Variants in ZDHHC14 observed in about 807,000 individuals in gnomAD.
ZDHHC14 encodes palmitoyltransferase ZDHHC14.
ZDHHC14 carries 16 observed loss-of-function variants against 47.7 expected under a neutral mutation model. The ratio of observed to expected loss-of-function variants is 0.34; its 90% CI spans 0.23 to 0.51. The LOEUF (loss-of-function observed/expected upper bound fraction) is 0.51. ZDHHC14 is among the 20% of genes least tolerant of loss of function. The pLI is 0.97. For missense variants in ZDHHC14, 515 were observed against 662.5 expected (o/e 0.78, Z 2.44); for synonymous variants, 293 against 278.9 (o/e 1.05, Z -0.50).
At position 157,677,535 on chromosome 6, in the gene ZDHHC14, G is replaced by A. The variant is rs896136376; in HGVS notation, c.*4413G>A. 1 of 151,988 alleles carries A rather than the reference G, an allele frequency of 6.6e-6. No individual in the cohort carries two copies. The highest frequency in any genetic ancestry group is 2.1e-4 in the South Asian group (1 of 4,812). 9.4% of individuals were successfully genotyped at this position (151,988 alleles called of 1,614,324 possible). A position where few individuals can be genotyped will look rare whatever the true frequency, so the allele number is the denominator to read the frequency against. On this transcript the variant is annotated 3_prime_UTR_variant, in exon 9 of 9. Coordinates refer to ENST00000359775, the MANE Select transcript of ZDHHC14 (RefSeq NM_024630.3). The stretch of plus-strand genomic sequence containing the variant: ...AGATTAGATGGTTTCTGGAGCAACC[G>A]AATTTGCAGCTGCCACAAAACTAGA...
At chr6:157,574,467 C>A (rs983913046) in intron 2 of ZDHHC14, among the ~76,000 whole-genome samples, 6 of 152,098 alleles carry the variant, frequency 3.9e-5, no homozygotes, top group Non-Finnish European at 8.8e-5. Context: ...TACTTACCTC[C>A]AGCCTAGGCC....
At chr6:157,656,618 G>A (rs1778100792) in intron 8 of ZDHHC14, among the ~76,000 whole-genome samples, 1 of 151,060 alleles carries the variant, frequency 6.6e-6, no homozygotes, top group Admixed American at 6.6e-5. Context: ...TTACAGGCAT[G>A]AGTCACCGCG....
At chr6:157,611,871 T>G (rs915939959) in intron 3 of ZDHHC14, among the ~76,000 whole-genome samples, 2 of 152,200 alleles carry the variant, frequency 1.3e-5, no homozygotes, top group Non-Finnish European at 2.9e-5. Context: ...GACGAGTGTG[T>G]GTTTATACCT....
intron 2 of ZDHHC14, among the ~76,000 whole-genome samples, chr6:157,556,204 G>A (rs1782453460): frequency 6.6e-6 from 1 of 151,614 alleles, no homozygotes; most frequent in South Asian, 2.1e-4. Context: ...AGCTGCACAA[G>A]GCAGGCGTCA....
intron 1 of ZDHHC14, among the ~76,000 whole-genome samples, chr6:157,493,743 G>A (rs955959821): frequency 7.2e-5 from 11 of 152,214 alleles, no homozygotes; most frequent in African/African-American, 1.9e-4. Flanking sequence ...GGAAGTGCCC[G>A]CTTCGTGTCT....
At chr6:157,401,318 G>A (rs372680187) in intron 1 of ZDHHC14, among the ~76,000 whole-genome samples, 5 of 152,100 alleles carry the variant, frequency 3.3e-5, no homozygotes, top group East Asian at 1.9e-4. Context: ...GTTAACTATC[G>A]TCAATCTTTT....
intron 2 of ZDHHC14, among the ~76,000 whole-genome samples, chr6:157,552,111 G>T (rs771072232): frequency 6.6e-6 from 1 of 152,080 alleles, no homozygotes; most frequent in East Asian, 1.9e-4. Context: ...GCAAAGCTCC[G>T]TGCACACCCA....
chr6:157,384,424 C>A (rs1201923690), intron 1 of ZDHHC14, among the ~76,000 whole-genome samples: 1 of 152,204 alleles, frequency 6.6e-6, no homozygotes, highest in Non-Finnish European at 1.5e-5. Context: ...AAGGATCTTT[C>A]TCTGTGTCAG....
intron 2 of ZDHHC14, 101 bp downstream of exon 2, chr6:157,542,846 T>A: frequency 7.1e-7 from 1 of 1,418,354 alleles, no homozygotes; most frequent in Non-Finnish European, 9.4e-7. Flanking sequence ...AGCTGAGCGC[T>A]GGGAAGGAAG....
rs776843596 is a variant in ZDHHC14 at position 157,530,642 on chromosome 6, T to C, written c.246-11943T>C. 3.4e-4 allele frequency among the ~76,000 whole-genome samples: 52 copies of C among 152,262 alleles called. 1 individual carries two copies. The highest frequency in any genetic ancestry group is 1.2e-4 in the Non-Finnish European group (8 of 68,050). On this transcript the variant is annotated intron_variant, in intron 1 of 8. Coordinates refer to ENST00000359775, the MANE Select transcript of ZDHHC14 (RefSeq NM_024630.3). ...TCCCCTTTTTGGAAATAGAACCATT[T>C]TCTCCTGAAATACCTTTGTAGCCTT...
At chr6:157,573,952 C>T (rs1227554684) in intron 2 of ZDHHC14, among the ~76,000 whole-genome samples, 1 of 150,980 alleles carries the variant, frequency 6.6e-6, no homozygotes, top group African/African-American at 2.4e-5. Context: ...CTGTGAGAAA[C>T]CTCGGGGTCG....
chr6:157,605,547 G>A (rs1479654787), intron 3 of ZDHHC14, among the ~76,000 whole-genome samples: 1 of 152,210 alleles, frequency 6.6e-6, no homozygotes, highest in Non-Finnish European at 1.5e-5. Context: ...GGTTCAGAGA[G>A]GGCAGAGACT....
At chr6:157,408,587 C>G (rs779278418) in intron 1 of ZDHHC14, among the ~76,000 whole-genome samples, 1 of 152,112 alleles carries the variant, frequency 6.6e-6, no homozygotes, top group African/African-American at 2.4e-5. Flanking sequence ...TCCTGAAGCT[C>G]CATCCGTGTG....
At chr6:157,585,999 C>T (rs1457265596) in intron 2 of ZDHHC14, among the ~76,000 whole-genome samples, 1 of 152,186 alleles carries the variant, frequency 6.6e-6, no homozygotes, top group Admixed American at 6.5e-5. Context: ...TTGGGCATCT[C>T]CTATGTGCTA....
At chr6:157,478,609 C>A (rs1779546316) in intron 1 of ZDHHC14, among the ~76,000 whole-genome samples, 1 of 152,140 alleles carries the variant, frequency 6.6e-6, no homozygotes, top group Non-Finnish European at 1.5e-5. Flanking sequence ...GGTACCTTTA[C>A]GATTTCTAGA....
rs576176507 is a variant in ZDHHC14 at position 157,441,965 on chromosome 6, A to G, written c.245+59699A>G. Among the ~76,000 whole-genome samples the G allele has an allele frequency of 2.0e-5, 3 of 152,378 alleles. No individual in the cohort carries two copies. The East Asian group carries it at 5.8e-4, about 29-fold the overall frequency. ...GCATTAGCATTACAGTTAACTCATG[A>G]TACCAATCTTTTATCCTCTTGATGC... On this transcript the variant is annotated intron_variant, in intron 1 of 8. Coordinates refer to ENST00000359775, the MANE Select transcript of ZDHHC14 (RefSeq NM_024630.3).
intron 1 of ZDHHC14, among the ~76,000 whole-genome samples, chr6:157,408,356 T>C (rs1041809253): frequency 7.9e-5 from 12 of 152,246 alleles, no homozygotes; most frequent in African/African-American, 2.4e-4. Flanking sequence ...GCTTGTTACA[T>C]AGGTAAACGT....
At chr6:157,630,842 A>G (rs1785678003) in intron 4 of ZDHHC14, 1 of 150,576 alleles carries the variant, frequency 6.6e-6, no homozygotes, top group Non-Finnish European at 1.5e-5. Flanking sequence ...CTAGCCACTC[A>G]TATATACTCA....
chr6:157,569,841 A>G (rs1783033760), intron 2 of ZDHHC14, among the ~76,000 whole-genome samples: 1 of 151,992 alleles, frequency 6.6e-6, no homozygotes, highest in Non-Finnish European at 1.5e-5. Flanking sequence ...TTTCTGTTTC[A>G]AAGGAGACAT....
Sources: gnomAD v4.1 joint callset for allele counts (sites outside exome capture counted in the v4.1 genomes callset) on GRCh38, gnomAD v4.1.1 for gene constraint, MANE v1.5 for transcripts, NCBI Gene and HGNC (gene_info 2026-07-23, HGNC 2026-07-21) for gene names.